Variants in BUB1 observed in about 807,000 individuals in gnomAD.
The protein encoded by BUB1 is BUB1 mitotic checkpoint serine/threonine kinase.
BUB1 carries 84 observed loss-of-function variants against 135.2 expected under a neutral mutation model. The observed-to-expected ratio is 0.62, with a 90% CI of 0.52 to 0.74. BUB1 has a LOEUF of 0.74. Ranked by LOEUF, BUB1 falls within the 30% of genes least tolerant of loss-of-function variation. The pLI, the probability that BUB1 is intolerant of heterozygous loss-of-function variation, is 0.00. For synonymous variants in BUB1, 403 were observed against 434.4 expected (o/e 0.93, Z 0.90); for missense variants, 1,162 against 1,288.3 (o/e 0.90, Z 1.50).
intron 20 of BUB1, 133 bp downstream of exon 20, chr2:110,641,986 A>G (rs1335912283): frequency 4.9e-6 from 5 of 1,016,840 alleles, no homozygotes; most frequent in Non-Finnish European, 7.1e-6. Context: ...AATCTTTTGT[A>G]GTTTTTGTTT....
At chr2:110,677,372 A>C (rs1039675442) in intron 1 of BUB1, among the ~76,000 whole-genome samples, 2 of 152,230 alleles carry the variant, frequency 1.3e-5, no homozygotes, top group Non-Finnish European at 2.9e-5. Flanking sequence ...GCCTTTAAGT[A>C]ACAGTCTGGG....
Position 110,661,764 on chromosome 2 carries a change from C to T in BUB1, c.1035G>A (p.Gln345=). The change falls in exon 10 of 25, where the codon CAG becomes CAA. Residue 345 remains glutamine, a synonymous_variant. Transcript: ENST00000302759. The stretch of plus-strand genomic sequence containing the variant: ...TCTTTTCCATGTTCACTGGTGTCTG[C>T]TGATAGGTTACTGGAAGACATGGCG... The part of the protein sequence containing the change: ...LRAPCLPVTY[Q]QTPVNMEKNP... The T allele has an allele frequency of 1.2e-6, 2 of 1,614,194 alleles. No homozygotes were observed. The highest frequency in any genetic ancestry group is 1.1e-5 in the South Asian group (1 of 91,084).
chr2:110,673,628 CTG>C, intron 3 of BUB1, among the ~76,000 whole-genome samples: 1 of 152,132 alleles, frequency 6.6e-6, no homozygotes, highest in Middle Eastern at 3.4e-3. Flanking sequence ...GAGTCTCACT[CTG>C]TCACCCAGGC....
intron 17 of BUB1, among the ~76,000 whole-genome samples, chr2:110,653,133 C>T (rs1237865901): frequency 6.6e-6 from 1 of 152,174 alleles, no homozygotes; most frequent in African/African-American, 2.4e-5. Context: ...TTTCCCAAGA[C>T]CTTGACAGTT....
At chr2:110,672,561 G>A (rs1690450831) in intron 4 of BUB1, 100 bp downstream of exon 4, 6 of 1,293,392 alleles carry the variant, frequency 4.6e-6, no homozygotes, top group Non-Finnish European at 6.3e-6. Context: ...TCCAAAACTA[G>A]AAGGATTTCC....
intron 11 of BUB1, 86 bp downstream of exon 11, chr2:110,659,892 C>G (rs1033745601): frequency 3.4e-5 from 38 of 1,121,424 alleles, no homozygotes; most frequent in African/African-American, 2.2e-4. Context: ...AGGCCTGAAG[C>G]CTTCATAAAC....
intron 3 of BUB1, among the ~76,000 whole-genome samples, chr2:110,673,516 G>A (rs1690480374): frequency 6.6e-6 from 1 of 151,542 alleles, no homozygotes; most frequent in African/African-American, 2.4e-5. Context: ...GGTAGTGCTG[G>A]AATTGAATTG....
At chr2:110,657,523 T>G in intron 14 of BUB1, 23 bp downstream of exon 14, 2 of 1,560,012 alleles carry the variant, frequency 1.3e-6, no homozygotes, top group Non-Finnish European at 1.7e-6. Flanking sequence ...CAGCATCCCA[T>G]TAACTAGATG....
chr2:110,637,901 A>G lies in BUB1; in HGVS notation c.*63T>C. The G allele has an allele frequency of 9.0e-7, 1 of 1,113,356 alleles. No homozygotes were observed. The highest frequency in any genetic ancestry group is 1.2e-6 in the Non-Finnish European group (1 of 829,350). 69.0% of individuals were successfully genotyped at this position (1,113,356 alleles called of 1,614,324 possible). A position where few individuals can be genotyped will look rare whatever the true frequency, so the allele number is the denominator to read the frequency against. ...CATAAACAATAAATGAAAAAAAAAC[A>G]GGTTTAAAGTGAGCAGATTCATATT... is the stretch of plus-strand genomic sequence containing the variant. On this transcript the variant is annotated 3_prime_UTR_variant, in exon 25 of 25. Coordinates refer to ENST00000302759, the MANE Select transcript of BUB1 (RefSeq NM_004336.5).
In BUB1 at chr2:110,642,042, A is replaced by C. The variant is rs570878972; in HGVS notation, c.2463+77T>G. 1.0e-5 allele frequency: 12 copies of C among 1,198,068 alleles called. No homozygotes were observed. In the East Asian group the frequency reaches 2.1e-4, roughly 20 times the overall value. 74.2% of individuals were successfully genotyped at this position (1,198,068 alleles called of 1,614,324 possible). A position where few individuals can be genotyped will look rare whatever the true frequency, so the allele number is the denominator to read the frequency against. On this transcript the variant is annotated intron_variant, in intron 20 of 24. Coordinates refer to ENST00000302759, the MANE Select transcript of BUB1 (RefSeq NM_004336.5). ...ATAAATAAAAACACCACTATCTTAA[A>C]GAAAAAAAATTTCTTGGCAAACTCA...
At chr2:110,644,760 T>C (rs1157801070) in intron 19 of BUB1, among the ~76,000 whole-genome samples, 1 of 152,160 alleles carries the variant, frequency 6.6e-6, no homozygotes, top group Non-Finnish European at 1.5e-5. Context: ...GTGAAATATC[T>C]AAAGTACTTA....
At chr2:110,647,409 C>T (rs1689670333) in intron 19 of BUB1, among the ~76,000 whole-genome samples, 1 of 152,126 alleles carries the variant, frequency 6.6e-6, no homozygotes, top group South Asian at 2.1e-4. Flanking sequence ...CAATTTATCC[C>T]AGGTATACAA....
chr2:110,639,673 TGCCAG>T, intron 24 of BUB1, 64 bp downstream of exon 24: 1 of 1,208,880 alleles, frequency 8.3e-7, no homozygotes, highest in South Asian at 1.3e-5. Flanking sequence ...TTTTTTTTTT[TGCCAG>T]ATGGAACCCA....
intron 19 of BUB1, chr2:110,649,019 C>A: frequency 1.6e-5 from 6 of 380,838 alleles, no homozygotes; most frequent in Non-Finnish European, 2.8e-5. Context: ...TGGCAAATTG[C>A]CCTCTATGAG....
intron 9 of BUB1, among the ~76,000 whole-genome samples, chr2:110,663,906 G>C (rs1389897833): frequency 6.6e-6 from 1 of 151,846 alleles, no homozygotes; most frequent in Non-Finnish European, 1.5e-5. Flanking sequence ...GCAGGCGCCT[G>C]TAGTCCCAGC....
At chr2:110,673,995 T>C in intron 3 of BUB1, 91 bp downstream of exon 3, 3 of 1,075,656 alleles carry the variant, frequency 2.8e-6, no homozygotes, top group Non-Finnish European at 4.0e-6. Context: ...AAACAAGGAA[T>C]TAAAAGCCTA....
chr2:110,661,518 C>T (rs912518221), intron 10 of BUB1, 64 bp downstream of exon 10: 7 of 1,542,592 alleles, frequency 4.5e-6, no homozygotes, highest in Non-Finnish European at 6.2e-6. Context: ...TAATGCAGGT[C>T]ATGTAAAGAA....
intron 1 of BUB1, among the ~76,000 whole-genome samples, chr2:110,677,199 G>C (rs1690613901): frequency 6.6e-6 from 1 of 152,182 alleles, no homozygotes; most frequent in Non-Finnish European, 1.5e-5. Context: ...GGGGACTTCT[G>C]AAAGAAAATA....
At chr2:110,668,088 TAATAAAGTCCTACTCAGCAGTAGAG>T in intron 6 of BUB1, among the ~76,000 whole-genome samples, 1 of 152,350 alleles carries the variant, frequency 6.6e-6, no homozygotes, top group Non-Finnish European at 1.5e-5. Flanking sequence ...GTTTTGTTTT[TAATAAAGTCCTACTCAGCAGTAGAG>T]AAGAACCATA....
Sources: gnomAD v4.1 joint callset for allele counts (sites outside exome capture counted in the v4.1 genomes callset) on GRCh38, gnomAD v4.1.1 for gene constraint, MANE v1.5 for transcripts, NCBI Gene and HGNC (gene_info 2026-07-23, HGNC 2026-07-21) for gene names.